Variants in SLC25A17 observed in about 807,000 individuals in gnomAD.
SLC25A17 encodes the protein peroxisomal membrane protein PMP34.
Under a neutral mutation model 38.5 loss-of-function variants are expected in SLC25A17, and 26 were observed. That is an observed-to-expected ratio of 0.68 (90% CI 0.50 to 0.94). The LOEUF is 0.94. Ranked by LOEUF, SLC25A17 falls within the 40% of genes least tolerant of loss-of-function variation. SLC25A17 has a pLI of 0.00. For synonymous variants in SLC25A17, 139 were observed against 136.2 expected (o/e 1.02, Z -0.14); for missense variants, 333 against 372.7 (o/e 0.89, Z 0.88).
At chr22:40,790,270 G>A (rs1034580933) in intron 4 of SLC25A17, among the ~76,000 whole-genome samples, 15 of 148,806 alleles carry the variant, frequency 1.0e-4, no homozygotes, top group Non-Finnish European at 2.1e-4. Context: ...GAACCCAGGA[G>A]GTGGAGGTTG....
At position 40,789,571 on chromosome 22, in the gene SLC25A17, A is replaced by G. The variant is rs1262095556; in HGVS notation, c.334+2954T>C. ...GCCCAGGCTGGAGTGCAGTGGCATG[A>G]TCTTGGCTCACTGCAACCTCTGCCT... On this transcript the variant is annotated intron_variant, in intron 4 of 8. Coordinates refer to ENST00000435456, the MANE Select transcript of SLC25A17 (RefSeq NM_006358.4). This position sits in a 1 kb window ranked among gnomAD's most constrained non-coding sequence, Gnocchi z 4.5. Among the ~76,000 whole-genome samples the G allele has an allele frequency of 2.0e-5, 3 of 151,626 alleles. No homozygotes were observed. The highest frequency in any genetic ancestry group is 3.4e-3 in the Middle Eastern group (1 of 290).
At chr22:40,805,047 C>T (rs1190112071) in intron 1 of SLC25A17, among the ~76,000 whole-genome samples, 2 of 152,122 alleles carry the variant, frequency 1.3e-5, no homozygotes. Flanking sequence ...CTGAACAAAG[C>T]ATTATTGGCT....
chr22:40,772,638 T>A, intron 8 of SLC25A17, among the ~76,000 whole-genome samples: 1 of 151,982 alleles, frequency 6.6e-6, no homozygotes, highest in East Asian at 1.9e-4. Flanking sequence ...TGTTCTTTTT[T>A]TTTTTTTATT....
In SLC25A17 at chr22:40,777,079, C is replaced by T. The variant is rs771703211; in HGVS notation, c.654G>A (p.Thr218=). 27 of 1,613,984 alleles carry T rather than the reference C, an allele frequency of 1.7e-5. No individual in the cohort carries two copies. Among genetic ancestry groups the T allele is most frequent in the South Asian group, 1.6e-4 (15 of 91,068 alleles). ...GTACCGTCTGCAGGGGATAGGTCAC[C>T]GTGGTGGCAATCGCTTTGGCTACTG... is the stretch of plus-strand genomic sequence containing the variant. ...IGAVAKAIAT[T]VTYPLQTVQS... The change falls in exon 7 of 9, where the codon ACG becomes ACA. Residue 218 remains threonine, a synonymous_variant. Coordinates refer to ENST00000435456, the MANE Select transcript of SLC25A17 (RefSeq NM_006358.4).
intron 1 of SLC25A17, among the ~76,000 whole-genome samples, chr22:40,812,033 TTCTCTCTC>T (rs372346560): frequency 4.7e-5 from 7 of 150,186 alleles, no homozygotes; most frequent in Admixed American, 1.3e-4. Context: ...CTCTTTTTCT[TTCTCTCTC>T]TCTCTCTCTC....
chr22:40,788,869 C>A, intron 4 of SLC25A17: 1 of 258,564 alleles, frequency 3.9e-6, no homozygotes, highest in Admixed American at 3.9e-5. Flanking sequence ...CATTTCTTAG[C>A]TTCCTCAAAA....
intron 8 of SLC25A17, among the ~76,000 whole-genome samples, chr22:40,773,502 G>C (rs1286082022): frequency 6.6e-6 from 1 of 150,650 alleles, no homozygotes; most frequent in East Asian, 1.9e-4. Context: ...GAAAATGTTA[G>C]CTACTCTTAC....
At chr22:40,812,156 A>G (rs752649200) in intron 1 of SLC25A17, among the ~76,000 whole-genome samples, 1 of 151,824 alleles carries the variant, frequency 6.6e-6, no homozygotes, top group Non-Finnish European at 1.5e-5. Context: ...CAGCCTCTCA[A>G]AGTGCTATGA....
At chr22:40,791,025 A>C (rs1271811933) in intron 4 of SLC25A17, among the ~76,000 whole-genome samples, 1 of 152,224 alleles carries the variant, frequency 6.6e-6, no homozygotes, top group East Asian at 1.9e-4. Context: ...TCTCCTAGAA[A>C]GGCTGCAAAA....
intron 2 of SLC25A17, 58 bp from the exon 3 acceptor site, chr22:40,794,638 G>C: frequency 9.9e-7 from 1 of 1,005,190 alleles, no homozygotes; most frequent in Non-Finnish European, 1.5e-6. Context: ...TTTTTTTTTT[G>C]AGACAGAGTC....
At chr22:40,810,347 C>CTTT (rs199943597) in intron 1 of SLC25A17, among the ~76,000 whole-genome samples, 1 of 135,548 alleles carries the variant, frequency 7.4e-6, no homozygotes. Context: ...ATTAAATATT[C>CTTT]TTTTTTTTTT....
rs762190632 is a variant in SLC25A17, at chr22:40,770,794, C to T, written c.*40G>A. The T allele has an allele frequency of 4.5e-6, 7 of 1,571,284 alleles. No individual in the cohort carries two copies. The East Asian group carries it at 1.1e-4, about 26-fold the overall frequency. ...CTTCTCTTCACTCAGGAGGAAACCTCCCTCTTGAGCATCTTCGGAATTTTT... is the reference window on the plus strand; with the variant it reads ...CTTCTCTTCACTCAGGAGGAAACCTTCCTCTTGAGCATCTTCGGAATTTTT... On this transcript the variant is annotated 3_prime_UTR_variant, in exon 9 of 9. Transcript: ENST00000435456.
chr22:40,782,093 G>A (rs541226044), intron 4 of SLC25A17, among the ~76,000 whole-genome samples: 2 of 152,210 alleles, frequency 1.3e-5, no homozygotes, highest in East Asian at 1.9e-4. Context: ...GGTGGCGGGC[G>A]CCTGTAGTCC....
chr22:40,777,608 C>G (rs974227520), intron 5 of SLC25A17, among the ~76,000 whole-genome samples: 12 of 151,962 alleles, frequency 7.9e-5, no homozygotes, highest in African/African-American at 1.7e-4. Flanking sequence ...ATGGTGAAAC[C>G]CTGTCTCTAC....
At chr22:40,814,606 T>C (rs2057616119) in intron 1 of SLC25A17, among the ~76,000 whole-genome samples, 1 of 152,058 alleles carries the variant, frequency 6.6e-6, no homozygotes, top group African/African-American at 2.4e-5. Context: ...AGTCTGACAT[T>C]GTGAAAAGAC....
chr22:40,790,067 C>T (rs138300), intron 4 of SLC25A17, among the ~76,000 whole-genome samples: 97,123 of 150,976 alleles, frequency 0.64, 31,737 homozygotes, highest in Middle Eastern at 0.71. Flanking sequence ...AGGCTGGGCG[C>T]GGTGGCTCAC....
At chr22:40,797,240 A>T (rs1277806554) in intron 2 of SLC25A17, 1 of 953,346 alleles carries the variant, frequency 1.0e-6, no homozygotes, top group Non-Finnish European at 1.5e-6. Context: ...AATAGTAGGC[A>T]TAAAGGGTTT....
intron 4 of SLC25A17, 182 bp from the exon 5 acceptor site, chr22:40,779,307 G>T: frequency 6.9e-7 from 1 of 1,443,206 alleles, no homozygotes; most frequent in Non-Finnish European, 9.1e-7. Flanking sequence ...GAAGCGATTT[G>T]GAAGCTTTGC....
chr22:40,812,580 T>C (rs181815610), intron 1 of SLC25A17, among the ~76,000 whole-genome samples: 51 of 152,168 alleles, frequency 3.4e-4, no homozygotes, highest in African/African-American at 1.2e-3. Context: ...TGAAAACTAG[T>C]GGTGGGGGTA....
Sources: gnomAD v4.1 joint callset for allele counts (sites outside exome capture counted in the v4.1 genomes callset) on GRCh38, gnomAD v4.1.1 for gene constraint, Gnocchi (gnomAD v3.1) non-coding constraint, MANE v1.5 for transcripts, NCBI Gene and HGNC (gene_info 2026-07-23, HGNC 2026-07-21) for gene names.